ARB2A: variants seen among roughly 807,000 people sequenced by gnomAD.
ARB2A encodes the protein ARB2 cotranscriptional regulator A, also known as cotranscriptional regulator ARB2A.
chr5:94,071,094 G>C, the ARB2A span, among the ~76,000 whole-genome samples: 2 of 151,992 alleles, frequency 1.3e-5, no homozygotes, highest in Non-Finnish European at 2.9e-5. Flanking sequence ...GTTGATGAAT[G>C]TTTTTAAAGA....
At chr5:93,621,694 C>T in the ARB2A span, among the ~76,000 whole-genome samples, 4 of 152,220 alleles carry the variant, frequency 2.6e-5, no homozygotes, top group African/African-American at 4.8e-5. Context: ...ATTTTTCTTG[C>T]GTCTCCCGGA....
chr5:93,760,331 G>A, the ARB2A span, among the ~76,000 whole-genome samples: 3 of 152,140 alleles, frequency 2.0e-5, no homozygotes, highest in African/African-American at 7.2e-5. Flanking sequence ...ATGGCCAAAA[G>A]CAATCTACAA....
At chr5:93,882,942 TA>T in the ARB2A span, among the ~76,000 whole-genome samples, 3 of 151,542 alleles carry the variant, frequency 2.0e-5, no homozygotes, top group South Asian at 6.2e-4. Flanking sequence ...GTTTAAATTT[TA>T]AATTTTTTGC....
At chr5:93,953,790 C>T in the ARB2A span, among the ~76,000 whole-genome samples, 2 of 152,128 alleles carry the variant, frequency 1.3e-5, no homozygotes, top group African/African-American at 4.8e-5. Flanking sequence ...GTCAGATACT[C>T]TAGGAACCTA....
chr5:94,108,111 C>T, the ARB2A span, among the ~76,000 whole-genome samples: 3 of 152,076 alleles, frequency 2.0e-5, no homozygotes, highest in African/African-American at 7.2e-5. Context: ...TTTTTTGGCT[C>T]TTCTGGTACC....
At chr5:94,102,677 G>A in the ARB2A span, among the ~76,000 whole-genome samples, 1 of 152,070 alleles carries the variant, frequency 6.6e-6, no homozygotes, top group East Asian at 1.9e-4. Context: ...ACCCCTGTAA[G>A]ATGCTATTCA....
At chr5:93,753,112 T>C in the ARB2A span, among the ~76,000 whole-genome samples, 6 of 152,230 alleles carry the variant, frequency 3.9e-5, no homozygotes, top group African/African-American at 1.2e-4. Flanking sequence ...TTTCAAGATA[T>C]GTTTACAAGG....
chr5:93,691,316 T>A, the ARB2A span, among the ~76,000 whole-genome samples: 1 of 151,164 alleles, frequency 6.6e-6, no homozygotes, highest in Non-Finnish European at 1.5e-5. Flanking sequence ...GAATAAACAG[T>A]TTAGAGAAGA....
chr5:93,862,013 T>C, the ARB2A span: 1 of 152,222 alleles, frequency 6.6e-6, no homozygotes, highest in Non-Finnish European at 1.5e-5. Context: ...ATTAGAACAT[T>C]TGAATAAAGA....
At chr5:93,783,295 A>G in the ARB2A span, among the ~76,000 whole-genome samples, 3 of 152,174 alleles carry the variant, frequency 2.0e-5, no homozygotes, top group South Asian at 2.1e-4. Context: ...TTAAAAACCC[A>G]TCTTTACATG....
chr5:93,952,507 C>A, the ARB2A span, among the ~76,000 whole-genome samples: 18 of 152,274 alleles, frequency 1.2e-4, no homozygotes, highest in East Asian at 2.7e-3. Context: ...CCCTGGCCTG[C>A]AAGGTTTCAA....
chr5:94,003,278 A>T, the ARB2A span, among the ~76,000 whole-genome samples: 2 of 152,194 alleles, frequency 1.3e-5, no homozygotes, highest in Non-Finnish European at 2.9e-5. Flanking sequence ...TAAATGTTTT[A>T]TTCTTAAAAT....
chr5:94,074,768 G>A, the ARB2A span: 2 of 1,581,096 alleles, frequency 1.3e-6, no homozygotes, highest in Non-Finnish European at 1.7e-6. Context: ...TCAGAAGACA[G>A]TCTAGAATGA....
chr5:93,748,598 G>A, the ARB2A span, among the ~76,000 whole-genome samples: 3 of 151,962 alleles, frequency 2.0e-5, no homozygotes, highest in African/African-American at 7.2e-5. Flanking sequence ...ACAACTACAG[G>A]AAGTCCTTGC....
At chr5:93,812,722 C>G in the ARB2A span, among the ~76,000 whole-genome samples, 1 of 152,000 alleles carries the variant, frequency 6.6e-6, no homozygotes, top group Non-Finnish European at 1.5e-5. Context: ...GTTTAATATG[C>G]CTATTTGTGC....
the ARB2A span, chr5:93,618,240 C>G: frequency 2.0e-5 from 3 of 151,836 alleles, no homozygotes; most frequent in African/African-American, 7.3e-5. Context: ...ACATGGTCTT[C>G]TTTTCAAATA....
chr5:93,948,640 T>G, the ARB2A span, among the ~76,000 whole-genome samples: 10 of 152,192 alleles, frequency 6.6e-5, no homozygotes, highest in South Asian at 2.1e-4. Flanking sequence ...TTTATGGTTT[T>G]AGGTCTAACG....
the ARB2A span, among the ~76,000 whole-genome samples, chr5:93,655,442 C>T: frequency 8.6e-4 from 131 of 152,300 alleles, no homozygotes; most frequent in Non-Finnish European, 1.7e-3. Context: ...ATAACTCTGT[C>T]ACTAAGTATC....
At chr5:94,050,478 C>T in the ARB2A span, among the ~76,000 whole-genome samples, 3 of 151,860 alleles carry the variant, frequency 2.0e-5, no homozygotes, top group East Asian at 5.8e-4. Context: ...TGGTCTGGAT[C>T]TCTTGACCTC....
Sources: allele counts gnomAD v4.1 joint callset (sites outside exome capture counted in the v4.1 genomes callset), GRCh38; gene constraint gnomAD v4.1.1; transcripts MANE v1.5; gene names NCBI Gene and HGNC (gene_info 2026-07-23, HGNC 2026-07-21).